FANCB: variants seen among roughly 807,000 people sequenced by gnomAD.
FANCB encodes FA complementation group B.
Under a neutral mutation model 38.9 loss-of-function variants are expected in FANCB, and 5 were observed. That is an observed-to-expected ratio of 0.13 (90% CI 0.07 to 0.27). The LOEUF is 0.27. Ranked by LOEUF, FANCB falls within the 10% of genes least tolerant of loss-of-function variation. The pLI, the probability that FANCB is intolerant of heterozygous loss-of-function variation, is 1.00. For missense variants in FANCB, 573 were observed against 602.7 expected, an observed-to-expected ratio of 0.95 and a Z score of 0.52; for synonymous variants, 236 against 215.4, an observed-to-expected ratio of 1.10 and a Z score of -0.84.
the FANCB span, among the ~76,000 whole-genome samples, chrX:14,814,335 T>C: frequency 8.9e-6 from 1 of 111,790 alleles, no homozygotes; most frequent in Non-Finnish European, 1.9e-5. Context: ...GGGATCTAAT[T>C]AAACTAAAGA....
chrX:14,844,794 C>A (rs2092368922), intron 8 of FANCB, 54 bp from the exon 9 acceptor site: 1 of 1,162,177 alleles, frequency 8.6e-7, no homozygotes, highest in Admixed American at 2.2e-5. Context: ...ATCAGATAAA[C>A]AGAATTCTTA....
At chrX:14,811,840 C>T in the FANCB span, among the ~76,000 whole-genome samples, 1 of 111,770 alleles carries the variant, frequency 8.9e-6, no homozygotes, top group Non-Finnish European at 1.9e-5. Flanking sequence ...GAACTCTCCA[C>T]CCCAAATCAA....
the FANCB span, among the ~76,000 whole-genome samples, chrX:14,691,857 TTATGTACAGTAGAGAGAGAAAG>T: frequency 2.7e-5 from 3 of 112,250 alleles, no homozygotes; most frequent in Non-Finnish European, 5.6e-5. Context: ...AGTTAACATT[TTATGTACAGTAGAGAGAGAAAG>T]ATTTTTCAAA....
At position 14,863,914 on chromosome X, in the gene FANCB, C is replaced by G. The variant is rs1306125010; in HGVS notation, c.951+646G>C. 4.5e-5 allele frequency among the ~76,000 whole-genome samples: 5 copies of G among 111,987 alleles called. No individual in the cohort carries two copies. In the East Asian group the frequency reaches 8.4e-4, roughly 19 times the overall value. On this transcript the variant is annotated intron_variant, in intron 3 of 9. Coordinates refer to ENST00000650831, the MANE Select transcript of FANCB (RefSeq NM_001018113.3). ...CTTTGGGAGGCCGAGGCAGGCGGAC[C>G]ACTTGAAGCCAGGAGTTTGAAACCA...
At chrX:14,846,352 C>A (rs1042634344) in intron 7 of FANCB, among the ~76,000 whole-genome samples, 4 of 111,450 alleles carry the variant, frequency 3.6e-5, no homozygotes, top group Non-Finnish European at 7.6e-5. Context: ...ACTAAAAAGG[C>A]CCAGAAACAA....
chrX:14,865,717 AAT>A lies in FANCB; in HGVS notation c.-70-139_-70-138del. On this transcript the variant is annotated intron_variant, in intron 2 of 9. Transcript: ENST00000650831. ...TTTAAGCTTTTTATACTATTTTGAC[AAT>A]ATCATACTTATAAAAAAAATTCTAA... The A allele has an allele frequency of 1.2e-5, 4 of 346,683 alleles. No individual in the cohort carries two copies. In the East Asian group the frequency reaches 1.3e-4, roughly 11 times the overall value. 28.6% of individuals were successfully genotyped at this position (346,683 alleles called of 1,213,427 possible).
chrX:14,776,886 G>C, the FANCB span, among the ~76,000 whole-genome samples: 5 of 112,264 alleles, frequency 4.5e-5, no homozygotes, highest in African/African-American at 1.6e-4. Flanking sequence ...TGCCATCTGG[G>C]CCACGTTGGG....
the FANCB span, among the ~76,000 whole-genome samples, chrX:14,771,116 G>T: frequency 1.8e-5 from 2 of 111,054 alleles, no homozygotes; most frequent in African/African-American, 6.6e-5. Context: ...GTTTCTTGGG[G>T]TTGATATTCT....
intron 6 of FANCB, among the ~76,000 whole-genome samples, chrX:14,851,524 G>C (rs1218532594): frequency 9.0e-6 from 1 of 111,376 alleles, no homozygotes; most frequent in African/African-American, 3.3e-5. Context: ...CACTCAATAG[G>C]AGACTAAATA....
chrX:14,772,593 T>C, the FANCB span, among the ~76,000 whole-genome samples: 2 of 112,360 alleles, frequency 1.8e-5, no homozygotes, highest in African/African-American at 6.5e-5. Flanking sequence ...GGGTCTTAAC[T>C]TGTGAGGTTC....
chrX:14,759,943 C>T, the FANCB span, among the ~76,000 whole-genome samples: 1 of 111,631 alleles, frequency 9.0e-6, no homozygotes. Flanking sequence ...AAATCCTTTA[C>T]AGACAAGCAA....
At chrX:14,763,402 C>T in the FANCB span, among the ~76,000 whole-genome samples, 175 of 111,623 alleles carry the variant, frequency 1.6e-3, no homozygotes, top group African/African-American at 5.3e-3. Flanking sequence ...CTTAGCATCG[C>T]GGGGGAAAAG....
the FANCB span, among the ~76,000 whole-genome samples, chrX:14,701,961 A>AAGT: frequency 8.9e-6 from 1 of 112,214 alleles, no homozygotes; most frequent in African/African-American, 3.2e-5. Context: ...GGAAAGGTTT[A>AAGT]AGTGCATGAT....
At chrX:14,765,556 T>C in the FANCB span, among the ~76,000 whole-genome samples, 2 of 112,580 alleles carry the variant, frequency 1.8e-5, no homozygotes, top group South Asian at 7.3e-4. Context: ...GGTCATTTAT[T>C]AATGAAATGC....
the FANCB span, among the ~76,000 whole-genome samples, chrX:14,814,845 A>G: frequency 8.9e-6 from 1 of 112,349 alleles, no homozygotes; most frequent in African/African-American, 3.2e-5. Flanking sequence ...ATTATAAATC[A>G]TGCTACTATA....
At chrX:14,752,161 C>T in the FANCB span, among the ~76,000 whole-genome samples, 2 of 111,531 alleles carry the variant, frequency 1.8e-5, no homozygotes, top group African/African-American at 3.3e-5. Context: ...ACCCTAATCA[C>T]CAATAAGACT....
downstream of FANCB, chrX:14,835,023 A>G: frequency 3.4e-6 from 2 of 591,970 alleles, no homozygotes; most frequent in Non-Finnish European, 5.8e-6. Flanking sequence ...CTTCAACTGT[A>G]AGAGCGCTGG....
the FANCB span, among the ~76,000 whole-genome samples, chrX:14,806,957 T>C: frequency 9.0e-6 from 1 of 111,731 alleles, no homozygotes; most frequent in Non-Finnish European, 1.9e-5. Context: ...TTGTTTCCAA[T>C]GGCTCAGATA....
At chrX:14,859,002 A>G (rs1218529007) in intron 4 of FANCB, among the ~76,000 whole-genome samples, 180 bp downstream of exon 4, 1 of 111,783 alleles carries the variant, frequency 8.9e-6, no homozygotes, top group Non-Finnish European at 1.9e-5. Flanking sequence ...GTCAATTTGT[A>G]TAACATTTGT....
Sources: gnomAD v4.1 joint callset for allele counts (sites outside exome capture counted in the v4.1 genomes callset) on GRCh38, gnomAD v4.1.1 for gene constraint, MANE v1.5 for transcripts, NCBI Gene and HGNC (gene_info 2026-07-23, HGNC 2026-07-21) for gene names.